CORO1C: variants seen among roughly 807,000 people sequenced by gnomAD.
CORO1C encodes coronin 1C, also known as coronin-1C.
In CORO1C, 14 loss-of-function variants were observed where a neutral mutation model predicts 51.2. The observed-to-expected ratio is 0.27, with a 90% CI of 0.18 to 0.43. The LOEUF (loss-of-function observed/expected upper bound fraction) is 0.43. Ranked by LOEUF, CORO1C falls within the 20% of genes least tolerant of loss-of-function variation. The probability of loss-of-function intolerance (pLI) is 1.00; values close to 1 mark genes in which losing one functional copy is unlikely to be tolerated. For synonymous variants in CORO1C, 181 were observed against 210.5 expected (o/e 0.86, Z 1.21); for missense variants, 417 against 607.8 (o/e 0.69, Z 3.30).
At position 108,648,700 on chromosome 12, in the gene CORO1C, C is replaced by T. The variant is rs1406252513; in HGVS notation, c.1210G>A (p.Val404Met). The T allele has an allele frequency of 3.1e-6, 5 of 1,614,044 alleles. No homozygotes were observed. Among genetic ancestry groups the T allele is most frequent in the African/African-American group, 1.3e-5 (1 of 74,910 alleles). ...CTATCCAGAATGTTCTTCTTGACCA[C>T]CTTGAGATCCCTGTTTTTGCCTGGA... ...YIPGKNRDLK[V>M]VKKNILDSKP... Residue 404 changes from valine to methionine, a missense_variant, in exon 10 of 11, where the codon GTG (valine) becomes ATG (methionine). By Grantham distance (21) the Val-to-Met change is conservative. Coordinates refer to ENST00000261401, the MANE Select transcript of CORO1C (RefSeq NM_014325.4).
intron 2 of CORO1C, 52 bp downstream of exon 2, chr12:108,701,072 G>A: frequency 6.4e-7 from 1 of 1,573,692 alleles, no homozygotes; most frequent in Non-Finnish European, 8.7e-7. Flanking sequence ...TAAGGAAAAA[G>A]TATGGAGACT....
chr12:108,666,286 C>T (rs2033472926), intron 3 of CORO1C, among the ~76,000 whole-genome samples: 2 of 152,154 alleles, frequency 1.3e-5, no homozygotes, highest in Non-Finnish European at 2.9e-5. Context: ...AGTGAAAAAG[C>T]TAATACTATA....
chr12:108,702,616 C>T lies in CORO1C; in HGVS notation c.-5-1293G>A, dbSNP rs980928188. 3.3e-5 allele frequency among the ~76,000 whole-genome samples: 5 copies of T among 152,176 alleles called. No homozygotes were observed. The East Asian group carries it at 9.6e-4, about 29-fold the overall frequency. The stretch of plus-strand genomic sequence containing the variant: ...GTGGAAATGGAACATGGTTCAACAT[C>T]GACAACTCAGCTGAAAATCAGATCC... On this transcript the variant is annotated intron_variant, in intron 1 of 10. Transcript: ENST00000261401.
intron 4 of CORO1C, among the ~76,000 whole-genome samples, chr12:108,660,569 T>C (rs2033219212): frequency 6.6e-6 from 1 of 151,892 alleles, no homozygotes; most frequent in Non-Finnish European, 1.5e-5. Context: ...CCTTCTTCCC[T>C]ATAGGCAAAC....
chr12:108,721,955 T>G (rs1490357523), intron 1 of CORO1C, among the ~76,000 whole-genome samples: 1 of 152,032 alleles, frequency 6.6e-6, no homozygotes, highest in Non-Finnish European at 1.5e-5. Context: ...TGAAAAAAAT[T>G]TAGCAGAGTC....
chr12:108,675,552 G>A (rs2033877099), intron 3 of CORO1C, among the ~76,000 whole-genome samples: 1 of 152,174 alleles, frequency 6.6e-6, no homozygotes, highest in African/African-American at 2.4e-5. Flanking sequence ...TCATTATCTT[G>A]AGAACTAGGT....
chr12:108,724,999 C>A lies in CORO1C; in HGVS notation c.-6+6430G>T, dbSNP rs144950906. Among the ~76,000 whole-genome samples the A allele has an allele frequency of 2.3e-3, 345 of 152,302 alleles. 1 individual carries two copies. Among genetic ancestry groups the A allele is most frequent in the African/African-American group, 7.7e-3 (321 of 41,564 alleles). ...AAGAGTTATCTCAAGCACTGCAGTG[C>A]AATCTCCTTCAAATCCTAAAAAAAT... On this transcript the variant is annotated intron_variant, in intron 1 of 10. Transcript: ENST00000261401.
chr12:108,659,423 T>C (rs986127559), intron 4 of CORO1C, among the ~76,000 whole-genome samples: 1 of 152,226 alleles, frequency 6.6e-6, no homozygotes, highest in Admixed American at 6.5e-5. Flanking sequence ...ATGTATACTA[T>C]AGAGAACATA....
intron 3 of CORO1C, among the ~76,000 whole-genome samples, chr12:108,673,675 C>A (rs562881840): frequency 6.6e-6 from 1 of 152,156 alleles, no homozygotes; most frequent in African/African-American, 2.4e-5. Flanking sequence ...TAGAGGCTCA[C>A]GCAGCTGGTG....
At chr12:108,669,148 T>C (rs1466570476) in intron 3 of CORO1C, among the ~76,000 whole-genome samples, 2 of 152,216 alleles carry the variant, frequency 1.3e-5, no homozygotes, top group African/African-American at 4.8e-5. Context: ...TATCTTAAGA[T>C]TGGTGTTCCC....
At chr12:108,681,646 GGCACT>G (rs2034126925) in intron 2 of CORO1C, among the ~76,000 whole-genome samples, 1 of 152,068 alleles carries the variant, frequency 6.6e-6, no homozygotes, top group Admixed American at 6.5e-5. Context: ...GCAAACAAAA[GGCACT>G]GCAGACAAAA....
At chr12:108,649,082 G>T (rs1400778755) in intron 8 of CORO1C, 62 bp from the exon 9 acceptor site, 3 of 1,566,616 alleles carry the variant, frequency 1.9e-6, no homozygotes, top group Non-Finnish European at 2.6e-6. Flanking sequence ...CTAACAGGAT[G>T]AATAATTAGT....
At chr12:108,678,100 T>G (rs1280946704) in intron 3 of CORO1C, among the ~76,000 whole-genome samples, 172 bp downstream of exon 3, 1 of 151,896 alleles carries the variant, frequency 6.6e-6, no homozygotes, top group African/African-American at 2.4e-5. Context: ...AAGGATTATC[T>G]GTAATTAAAC....
intron 1 of CORO1C, among the ~76,000 whole-genome samples, chr12:108,718,204 T>C (rs1402294482): frequency 6.6e-6 from 1 of 152,044 alleles, no homozygotes; most frequent in Non-Finnish European, 1.5e-5. Flanking sequence ...ATATAAAAAA[T>C]TAGCCAGGCG....
At chr12:108,655,591 G>A (rs530417277) in intron 6 of CORO1C, among the ~76,000 whole-genome samples, 68 of 152,316 alleles carry the variant, frequency 4.5e-4, no homozygotes, top group Middle Eastern at 3.4e-3. Context: ...TGTGTTGGCG[G>A]GGCTGGTCTC....
At chr12:108,684,279 A>G (rs185477723) in intron 2 of CORO1C, among the ~76,000 whole-genome samples, 1 of 152,350 alleles carries the variant, frequency 6.6e-6, no homozygotes, top group African/African-American at 2.4e-5. Flanking sequence ...TGAAAATGTA[A>G]AAGTATAAAT....
At chr12:108,696,084 G>A (rs1021183777) in intron 2 of CORO1C, among the ~76,000 whole-genome samples, 33 of 152,102 alleles carry the variant, frequency 2.2e-4, no homozygotes, top group African/African-American at 7.5e-4. Context: ...TGGGAGAGAA[G>A]AAGAGATCAT....
At position 108,711,637 on chromosome 12, in the gene CORO1C, G is replaced by A. The variant is rs570886735; in HGVS notation, c.-5-10314C>T. ...AGAGGTTGCAGTGAACCGAGATCGCGTCACTGCACTCCAGCTTGAGTGACA... is the reference window on the plus strand; with the variant it reads ...AGAGGTTGCAGTGAACCGAGATCGCATCACTGCACTCCAGCTTGAGTGACA... On this transcript the variant is annotated intron_variant, in intron 1 of 10. Coordinates refer to ENST00000261401, the MANE Select transcript of CORO1C (RefSeq NM_014325.4). 4.2e-4 allele frequency among the ~76,000 whole-genome samples: 62 copies of A among 149,000 alleles called. 1 individual carries two copies. The South Asian group carries it at 0.013, about 31-fold the overall frequency.
intron 1 of CORO1C, among the ~76,000 whole-genome samples, chr12:108,704,671 G>T (rs1255870764): frequency 6.6e-6 from 1 of 152,186 alleles, no homozygotes; most frequent in Non-Finnish European, 1.5e-5. Flanking sequence ...AGGGCAGTGT[G>T]AGCCCATTCA....
Sources: gnomAD v4.1 joint callset for allele counts (sites outside exome capture counted in the v4.1 genomes callset) on GRCh38, gnomAD v4.1.1 for gene constraint, MANE v1.5 for transcripts, NCBI Gene and HGNC (gene_info 2026-07-23, HGNC 2026-07-21) for gene names.